SNX27: variants seen among roughly 807,000 people sequenced by gnomAD.
SNX27 encodes sorting nexin-27.
Under a neutral mutation model 71.6 loss-of-function variants are expected in SNX27, and 22 were observed. The ratio of observed to expected loss-of-function variants is 0.31; its 90% confidence interval spans 0.22 to 0.44. The LOEUF is 0.44. SNX27 is among the 20% of genes least tolerant of loss of function. The probability of loss-of-function intolerance (pLI) is 1.00; values close to 1 mark genes in which losing one functional copy is unlikely to be tolerated. For missense variants in SNX27, 531 were observed against 698.6 expected (o/e 0.76, Z 2.70); for synonymous variants, 269 against 277.2 (o/e 0.97, Z 0.29).
intron 2 of SNX27, among the ~76,000 whole-genome samples, chr1:151,641,016 T>C (rs190647316): frequency 1.4e-5 from 2 of 144,394 alleles, no homozygotes; most frequent in African/African-American, 2.9e-5. Flanking sequence ...TGGCAGACAT[T>C]GTTATTTAAA....
chr1:151,639,128 C>T lies in SNX27; in HGVS notation c.543+9C>T, dbSNP rs1668607256. 1.2e-6 allele frequency: 2 copies of T among 1,603,570 alleles called. No individual in the cohort carries two copies. ...ATGGTGAGAAGTTTGTGGTGAGTGTCAGCCCAACTCGATCCTCGAACATCT... is the reference window on the plus strand; with the variant it reads ...ATGGTGAGAAGTTTGTGGTGAGTGTTAGCCCAACTCGATCCTCGAACATCT... On this transcript the variant is annotated intron_variant, in intron 2 of 11. Coordinates refer to ENST00000458013, the MANE Select transcript of SNX27 (RefSeq NM_001330723.2).
chr1:151,676,103 G>A (rs1670683680), intron 7 of SNX27: 1 of 150,532 alleles, frequency 6.6e-6, no homozygotes, highest in Non-Finnish European at 1.5e-5. Flanking sequence ...ACAGGTGTGA[G>A]CCACTGTGCC....
At chr1:151,615,268 A>G (rs1382796890) in intron 1 of SNX27, among the ~76,000 whole-genome samples, 1 of 152,122 alleles carries the variant, frequency 6.6e-6, no homozygotes, top group Non-Finnish European at 1.5e-5. Context: ...CTTCTTTGGT[A>G]CTATAGGGGA....
chr1:151,629,469 A>G (rs1321701028), intron 1 of SNX27: 5 of 24,628 alleles, frequency 2.0e-4, no homozygotes, highest in Non-Finnish European at 1.2e-3. Flanking sequence ...ACGTATATAT[A>G]CATATATACG....
At chr1:151,687,498 G>A (rs1312214704) in intron 8 of SNX27, among the ~76,000 whole-genome samples, 1 of 152,088 alleles carries the variant, frequency 6.6e-6, no homozygotes, top group Non-Finnish European at 1.5e-5. Context: ...TCTGGTTTTG[G>A]GAGAGTTGGC....
intron 8 of SNX27, among the ~76,000 whole-genome samples, chr1:151,683,943 A>G (rs1328191232): frequency 1.1e-4 from 17 of 152,362 alleles, no homozygotes; most frequent in South Asian, 1.0e-3. Context: ...CTGGGATTAC[A>G]GGACTGAGCC....
chr1:151,679,770 A>G (rs1026189140), intron 7 of SNX27: 3 of 152,192 alleles, frequency 2.0e-5, no homozygotes, highest in Admixed American at 1.3e-4. Context: ...GTTATTGAGT[A>G]TTTAATTTTT....
rs1390221363 is a variant in SNX27 at position 151,696,105 on chromosome 1, C to T, written c.*1688C>T. 2 of 152,256 alleles carry T rather than the reference C, an allele frequency of 1.3e-5. No homozygotes were observed. Among genetic ancestry groups the T allele is most frequent in the Admixed American group, 6.5e-5 (1 of 15,284 alleles). 9.4% of individuals were successfully genotyped at this position (152,256 alleles called of 1,614,324 possible). A position where few individuals can be genotyped will look rare whatever the true frequency, so the allele number is the denominator to read the frequency against. On this transcript the variant is annotated 3_prime_UTR_variant, in exon 12 of 12. Transcript: ENST00000458013. ...GACTGAACGAAAACCTTTCTGCTTTCTGTCCGTTAAAGAGCTCCTCATCTG... is the reference window on the plus strand; with the variant it reads ...GACTGAACGAAAACCTTTCTGCTTTTTGTCCGTTAAAGAGCTCCTCATCTG...
chr1:151,624,433 G>A lies in SNX27; in HGVS notation c.311+11921G>A, dbSNP rs71515786. ...TTTATATATATATATATATATATATGTATTTTTTTTTTTTTTGCGATGGAG... is the reference window on the plus strand; with the variant it reads ...TTTATATATATATATATATATATATATATTTTTTTTTTTTTTGCGATGGAG... On this transcript the variant is annotated intron_variant, in intron 1 of 11. Coordinates refer to ENST00000458013, the MANE Select transcript of SNX27 (RefSeq NM_001330723.2). Among the ~76,000 whole-genome samples, 356 of 104,414 alleles carry A rather than the reference G, an allele frequency of 3.4e-3. 2 individuals carry two copies. The highest frequency in any genetic ancestry group is 0.011 in the Middle Eastern group (2 of 180). 68.5% of individuals were successfully genotyped at this position (104,414 alleles called of 152,430 possible). A position where few individuals can be genotyped will look rare whatever the true frequency, so the allele number is the denominator to read the frequency against.
Position 151,696,097 on chromosome 1 carries a change from T to C in SNX27, c.*1680T>C, listed in dbSNP as rs1435134924. 3.9e-5 allele frequency: 6 copies of C among 152,340 alleles called. No homozygotes were observed. In the East Asian group the frequency reaches 1.2e-3, roughly 29 times the overall value. 9.4% of individuals were successfully genotyped at this position (152,340 alleles called of 1,614,324 possible). ...TGAAAGGAGACTGAACGAAAACCTTTCTGCTTTCTGTCCGTTAAAGAGCTC... is the reference window on the plus strand; with the variant it reads ...TGAAAGGAGACTGAACGAAAACCTTCCTGCTTTCTGTCCGTTAAAGAGCTC... On this transcript the variant is annotated 3_prime_UTR_variant, in exon 12 of 12. Coordinates refer to ENST00000458013, the MANE Select transcript of SNX27 (RefSeq NM_001330723.2).
intron 1 of SNX27, among the ~76,000 whole-genome samples, chr1:151,637,769 A>G (rs1223550520): frequency 6.6e-6 from 1 of 152,228 alleles, no homozygotes; most frequent in African/African-American, 2.4e-5. Flanking sequence ...AATTTCAGTG[A>G]CTGAAAAGTT....
At chr1:151,637,500 A>G (rs1283787728) in intron 1 of SNX27, among the ~76,000 whole-genome samples, 4 of 152,180 alleles carry the variant, frequency 2.6e-5, no homozygotes, top group African/African-American at 9.6e-5. Context: ...TTTTGATCAC[A>G]GGTCTGACTG....
intron 1 of SNX27, among the ~76,000 whole-genome samples, chr1:151,633,936 A>G (rs1348157693): frequency 2.0e-5 from 3 of 149,080 alleles, no homozygotes; most frequent in Non-Finnish European, 4.4e-5. Context: ...TGCGGTGGAC[A>G]TTCAACTACA....
chr1:151,622,106 A>G (rs1667702061), intron 1 of SNX27, among the ~76,000 whole-genome samples: 1 of 152,200 alleles, frequency 6.6e-6, no homozygotes, highest in Admixed American at 6.5e-5. Context: ...GACTTACAGA[A>G]ATTGTAGTCT....
At chr1:151,687,311 G>A (rs79051749) in intron 8 of SNX27, among the ~76,000 whole-genome samples, 3,193 of 152,200 alleles carry the variant, frequency 0.021, 110 homozygotes, top group African/African-American at 0.073. Context: ...CTCAAAGTGT[G>A]GTCTCCAGTC....
chr1:151,612,438 G>A lies in SNX27; in HGVS notation c.237G>A (p.Gln79=). ...ACGGGGAGCTGTACGCGCCGCTGCA[G>A]CATGTGAGCGCCGTGCTGCCCGGGG... is the stretch of plus-strand genomic sequence containing the variant. ...SINGELYAPL[Q]HVSAVLPGGA... is the part of the protein sequence containing the mutation. The change falls in exon 1 of 12, where the codon CAG becomes CAA. Residue 79 remains glutamine (Q), a synonymous_variant. Transcript: ENST00000458013. The surrounding 1 kb of genome is among the most constrained non-coding windows in gnomAD (Gnocchi z 5.2). 6.9e-7 allele frequency: 1 copy of A among 1,456,822 alleles called. No homozygotes were observed. Among genetic ancestry groups the A allele is most frequent in the Non-Finnish European group, 9.0e-7 (1 of 1,105,320 alleles). 90.2% of individuals were successfully genotyped at this position (1,456,822 alleles called of 1,614,324 possible). A position where few individuals can be genotyped will look rare whatever the true frequency, so the allele number is the denominator to read the frequency against.
chr1:151,685,113 G>A (rs1377141979), intron 8 of SNX27, among the ~76,000 whole-genome samples: 5 of 151,848 alleles, frequency 3.3e-5, no homozygotes, highest in Non-Finnish European at 7.4e-5. Context: ...CAGGCCTAAA[G>A]TTATTTAAAG....
At chr1:151,684,253 T>TTAAA (rs1280518744) in intron 8 of SNX27, among the ~76,000 whole-genome samples, 1 of 152,178 alleles carries the variant, frequency 6.6e-6, no homozygotes, top group Non-Finnish European at 1.5e-5. Context: ...ATGTAGGTAT[T>TTAAA]TAAATATAAA....
At chr1:151,669,738 T>C (rs376700460) in intron 7 of SNX27, among the ~76,000 whole-genome samples, 1 of 152,184 alleles carries the variant, frequency 6.6e-6, no homozygotes, top group South Asian at 2.1e-4. Flanking sequence ...TTTATATATG[T>C]AATTTTTTAT....
Sources: gnomAD v4.1 joint callset for allele counts (sites outside exome capture counted in the v4.1 genomes callset) on GRCh38, gnomAD v4.1.1 for gene constraint, Gnocchi (gnomAD v3.1) non-coding constraint, MANE v1.5 for transcripts, NCBI Gene and HGNC (gene_info 2026-07-23, HGNC 2026-07-21) for gene names.